Variants in PPIP5K2 observed in about 807,000 individuals in gnomAD.
The protein encoded by PPIP5K2 is diphosphoinositol pentakisphosphate kinase 2, also known as inositol hexakisphosphate and diphosphoinositol-pentakisphosphate kinase 2.
In PPIP5K2, 105 loss-of-function variants were observed where a neutral mutation model predicts 154.6. The ratio of observed to expected loss-of-function variants is 0.68; its 90% CI spans 0.58 to 0.80. PPIP5K2 has a LOEUF of 0.80. Among genes scored for constraint, PPIP5K2 ranks in the 30% least tolerant of loss-of-function variants. PPIP5K2 has a pLI of 0.00. For missense variants in PPIP5K2, 992 were observed against 1,504.6 expected (o/e 0.66, Z 5.64); for synonymous variants, 480 against 490.3 (o/e 0.98, Z 0.28).
chr5:103,161,012 G>C (rs1420422289), intron 17 of PPIP5K2, among the ~76,000 whole-genome samples: 1 of 150,526 alleles, frequency 6.6e-6, no homozygotes, highest in Non-Finnish European at 1.5e-5. Context: ...ACGACGTGCA[G>C]ATTTGTTACA....
intron 24 of PPIP5K2, among the ~76,000 whole-genome samples, chr5:103,182,313 C>T (rs1466914149): frequency 6.6e-6 from 1 of 152,096 alleles, no homozygotes; most frequent in Non-Finnish European, 1.5e-5. Context: ...AAAATCACTG[C>T]CCTTGTTAAT....
chr5:103,180,017 A>T lies in PPIP5K2; in HGVS notation c.2755-4A>T, dbSNP rs1554222059. ...TAAAAGTGTTTTATATTCTTTGCTC[A>T]CAGAATGAAGGCAGGAGACCTTTTA... On this transcript the variant is annotated splice_polypyrimidine_tract_variant and splice_region_variant and intron_variant, in intron 23 of 30. Coordinates refer to ENST00000358359, the MANE Select transcript of PPIP5K2 (RefSeq NM_001276277.3). 6.6e-7 allele frequency: 1 copy of T among 1,514,108 alleles called. No individual in the cohort carries two copies. The highest frequency in any genetic ancestry group is 8.8e-7 in the Non-Finnish European group (1 of 1,133,372). The allele number at this position is 1,514,108 out of a possible 1,614,324, so 93.8% of individuals were successfully genotyped here.
chr5:103,152,877 A>C lies in PPIP5K2; in HGVS notation c.1130+128A>C, dbSNP rs533805977. 7.6e-5 allele frequency: 45 copies of C among 589,974 alleles called. No homozygotes were observed. The South Asian group carries it at 9.8e-4, about 13-fold the overall frequency. The allele number at this position is 589,974 out of a possible 1,614,324, so 36.5% of individuals were successfully genotyped here. A position where few individuals can be genotyped will look rare whatever the true frequency, so the allele number is the denominator to read the frequency against. On this transcript the variant is annotated intron_variant, in intron 10 of 30. Coordinates refer to ENST00000358359, the MANE Select transcript of PPIP5K2 (RefSeq NM_001276277.3). ...TATGATTTCATATGATTCAGCTTGAAGATAGAGGAGTAGATTATACGTATT... is the reference window on the plus strand; with the variant it reads ...TATGATTTCATATGATTCAGCTTGACGATAGAGGAGTAGATTATACGTATT...
rs1554232466 is a variant in PPIP5K2 at position 103,209,434 on chromosome 5, A to T, written c.*7800A>T. The T allele has an allele frequency of 6.6e-6, 1 of 152,138 alleles. No individual in the cohort carries two copies. The highest frequency in any genetic ancestry group is 2.4e-5 in the African/African-American group (1 of 41,426). The allele number at this position is 152,138 out of a possible 1,614,324, so 9.4% of individuals were successfully genotyped here. Reference sequence around the variant, plus strand: ...AAAAAGTATTTAAATAAAATCAAGGATACCATCCCACCCACCTATCTTACA... The same window carrying T: ...AAAAAGTATTTAAATAAAATCAAGGTTACCATCCCACCCACCTATCTTACA... On this transcript the variant is annotated 3_prime_UTR_variant, in exon 31 of 31. Coordinates refer to ENST00000358359, the MANE Select transcript of PPIP5K2 (RefSeq NM_001276277.3).
intron 30 of PPIP5K2, among the ~76,000 whole-genome samples, chr5:103,200,141 C>G (rs1802749213): frequency 6.6e-6 from 1 of 152,120 alleles, no homozygotes; most frequent in South Asian, 2.1e-4. Context: ...ATATGGTGTT[C>G]CGTGAAGTGG....
chr5:103,169,891 A>C, intron 19 of PPIP5K2, among the ~76,000 whole-genome samples: 1 of 151,488 alleles, frequency 6.6e-6, no homozygotes, highest in Non-Finnish European at 1.5e-5. Flanking sequence ...TATTTATGGC[A>C]GCTATAAGCA....
Position 103,203,485 on chromosome 5 carries a change from C to T in PPIP5K2, c.*1851C>T, listed in dbSNP as rs1225856955. Reference sequence around the variant, plus strand: ...ACTCTATTTGTAAAAATCTTAGAATCACTTTCCAAAACAAATAAAAAGTCT... The same window carrying T: ...ACTCTATTTGTAAAAATCTTAGAATTACTTTCCAAAACAAATAAAAAGTCT... On this transcript the variant is annotated 3_prime_UTR_variant, in exon 31 of 31. Coordinates refer to ENST00000358359, the MANE Select transcript of PPIP5K2 (RefSeq NM_001276277.3). The T allele has an allele frequency of 2.0e-5, 3 of 152,120 alleles. No individual in the cohort carries two copies. Among genetic ancestry groups the T allele is most frequent in the Non-Finnish European group, 4.4e-5 (3 of 68,026 alleles). The allele number at this position is 152,120 out of a possible 1,614,324, so 9.4% of individuals were successfully genotyped here.
intron 1 of PPIP5K2, among the ~76,000 whole-genome samples, chr5:103,122,336 A>G (rs1788916142): frequency 6.6e-6 from 1 of 152,204 alleles, no homozygotes; most frequent in Non-Finnish European, 1.5e-5. Flanking sequence ...TTGGGGCCTA[A>G]CAGAAGTGTG....
At chr5:103,135,226 A>G (rs1428434601) in intron 3 of PPIP5K2, among the ~76,000 whole-genome samples, 2 of 152,188 alleles carry the variant, frequency 1.3e-5, no homozygotes, top group Non-Finnish European at 1.5e-5. Flanking sequence ...CACTATTATT[A>G]ATTCCTCAAA....
intron 29 of PPIP5K2, 63 bp downstream of exon 29, chr5:103,191,045 T>C (rs1337918886): frequency 2.0e-6 from 3 of 1,463,436 alleles, no homozygotes; most frequent in African/African-American, 2.8e-5. Flanking sequence ...TATCTGAGTA[T>C]AACAGGAATT....
chr5:103,156,494 A>C (rs1484629619), intron 14 of PPIP5K2, among the ~76,000 whole-genome samples: 1 of 152,200 alleles, frequency 6.6e-6, no homozygotes, highest in African/African-American at 2.4e-5. Flanking sequence ...AAATGCATTT[A>C]CCTTACAAAA....
chr5:103,127,152 A>G (rs1205368890), intron 1 of PPIP5K2, among the ~76,000 whole-genome samples: 1 of 152,248 alleles, frequency 6.6e-6, no homozygotes, highest in Non-Finnish European at 1.5e-5. Flanking sequence ...CTTTGTTAGA[A>G]CACTTTAACT....
intron 5 of PPIP5K2, among the ~76,000 whole-genome samples, chr5:103,142,901 A>G (rs1269500262): frequency 6.6e-6 from 1 of 152,244 alleles, no homozygotes; most frequent in Non-Finnish European, 1.5e-5. Context: ...TATATATTTC[A>G]TAAGAAGACT....
rs1554232470 is a variant in PPIP5K2 at position 103,209,526 on chromosome 5, C to T, written c.*7892C>T. On this transcript the variant is annotated 3_prime_UTR_variant, in exon 31 of 31. Transcript: ENST00000358359. ...GATAGTGGATGTACAGTTTAGATAC[C>T]CATTTTAAAGCAGTTAGAAAGATGT... 6.6e-6 allele frequency: 1 copy of T among 151,930 alleles called. No homozygotes were observed. Among genetic ancestry groups the T allele is most frequent in the Non-Finnish European group, 1.5e-5 (1 of 67,990 alleles). The allele number at this position is 151,930 out of a possible 1,614,324, so 9.4% of individuals were successfully genotyped here. A position where few individuals can be genotyped will look rare whatever the true frequency, so the allele number is the denominator to read the frequency against.
At chr5:103,147,394 A>G (rs1213554600) in intron 6 of PPIP5K2, among the ~76,000 whole-genome samples, 1 of 151,964 alleles carries the variant, frequency 6.6e-6, no homozygotes, top group African/African-American at 2.4e-5. Context: ...GAGACCCTAC[A>G]TTGTTAAAAT....
rs151017151 is a variant in PPIP5K2 at position 103,131,363 on chromosome 5, G to A, written c.114+1660G>A. Among the ~76,000 whole-genome samples the A allele has an allele frequency of 5.0e-3, 765 of 152,184 alleles. 9 individuals are homozygous for A. The highest frequency in any genetic ancestry group is 0.018 in the African/African-American group (727 of 41,508). ...ATACAATATAAATGCTGTGTAAATA[G>A]TTGTTATACTGTATCATTTAGGGAA... is the stretch of plus-strand genomic sequence containing the variant. On this transcript the variant is annotated intron_variant, in intron 2 of 30. Coordinates refer to ENST00000358359, the MANE Select transcript of PPIP5K2 (RefSeq NM_001276277.3).
rs1292816376 is a variant in PPIP5K2, at chr5:103,168,213, A to G, written c.2204A>G (p.Gln735Arg). 3 of 1,609,734 alleles carry G rather than the reference A, an allele frequency of 1.9e-6. No individual in the cohort carries two copies. Among genetic ancestry groups the G allele is most frequent in the Non-Finnish European group, 2.5e-6 (3 of 1,176,852 alleles). The change falls in exon 19 of 31, where the codon CAG becomes CGG. Residue 735 changes from glutamine to arginine, a missense_variant. Physicochemically the swap from Gln to Arg is conservative, Grantham distance 43. Transcript: ENST00000358359. ...TATGACTGTATAAAATATGATGTCCAGCATAATGGTTCCTTGAAATTAGAA... is the reference window on the plus strand; with the variant it reads ...TATGACTGTATAAAATATGATGTCCGGCATAATGGTTCCTTGAAATTAGAA... ...DIYDCIKYDVQHNGSLKLENT... is the reference protein window; with the variant it reads ...DIYDCIKYDVRHNGSLKLENT...
intron 27 of PPIP5K2, 75 bp from the exon 28 acceptor site, chr5:103,187,239 T>C (rs1800529219): frequency 8.8e-7 from 1 of 1,141,742 alleles, no homozygotes; most frequent in Admixed American, 2.0e-5. Context: ...CATATATTTG[T>C]TTTTCCCCTC....
At chr5:103,184,413 G>T (rs543298662) in intron 25 of PPIP5K2, 114 of 281,238 alleles carry the variant, frequency 4.1e-4, no homozygotes, top group South Asian at 1.1e-3. Context: ...TCTCTTAATT[G>T]CTTCTTTTCA....
Sources: gnomAD v4.1 joint callset for allele counts (sites outside exome capture counted in the v4.1 genomes callset) on GRCh38, gnomAD v4.1.1 for gene constraint, MANE v1.5 for transcripts, NCBI Gene and HGNC (gene_info 2026-07-23, HGNC 2026-07-21) for gene names.